STXBP5L: variants seen among roughly 807,000 people sequenced by gnomAD.
STXBP5L encodes syntaxin-binding protein 5-like.
STXBP5L carries 65 observed loss-of-function variants against 144.5 expected under a neutral mutation model. The observed-to-expected ratio is 0.45, with a 90% CI of 0.37 to 0.55. The LOEUF is 0.55. STXBP5L is among the 20% of genes least tolerant of loss of function. The probability of loss-of-function intolerance (pLI) is 0.00; values close to 1 mark genes in which losing one functional copy is unlikely to be tolerated. For missense variants in STXBP5L, 1,298 were observed against 1,405.5 expected, an observed-to-expected ratio of 0.92 and a Z score of 1.22; for synonymous variants, 505 against 469.6, an observed-to-expected ratio of 1.08 and a Z score of -0.97.
chr3:120,999,488 G>A (rs1271491274), intron 3 of STXBP5L, among the ~76,000 whole-genome samples: 2 of 152,088 alleles, frequency 1.3e-5, no homozygotes, highest in African/African-American at 2.4e-5. Context: ...TTGGTCTCTC[G>A]AAGACAGCGT....
chr3:120,912,282 T>G (rs1274207588), intron 2 of STXBP5L, among the ~76,000 whole-genome samples: 2 of 151,870 alleles, frequency 1.3e-5, no homozygotes, highest in Non-Finnish European at 2.9e-5. Context: ...TGTCATTTCC[T>G]TGCTAAAAAT....
At position 121,423,944 on chromosome 3, in the gene STXBP5L, A is replaced by G. The variant is rs534017952; in HGVS notation, c.*4847A>G. ...ATTCTCCTATGTGACTTGTCCATCA[A>G]TTATTCCAATTCAAAGGTCTAGGTT... On this transcript the variant is annotated 3_prime_UTR_variant, in exon 27 of 27. Coordinates refer to ENST00000471454, the MANE Select transcript of STXBP5L (RefSeq NM_001308330.2). The G allele has an allele frequency of 1.3e-5, 2 of 152,238 alleles. No homozygotes were observed. The highest frequency in any genetic ancestry group is 2.9e-5 in the Non-Finnish European group (2 of 68,032). 9.4% of individuals were successfully genotyped at this position (152,238 alleles called of 1,614,324 possible).
At chr3:120,982,243 G>T (rs899015912) in intron 3 of STXBP5L, among the ~76,000 whole-genome samples, 4 of 152,136 alleles carry the variant, frequency 2.6e-5, no homozygotes, top group African/African-American at 9.7e-5. Context: ...TTCAGGTGAT[G>T]GGCCGGTCTG....
At chr3:121,007,541 G>T (rs1323929371) in intron 3 of STXBP5L, among the ~76,000 whole-genome samples, 1 of 151,950 alleles carries the variant, frequency 6.6e-6, no homozygotes, top group African/African-American at 2.4e-5. Context: ...TTTTAAACTA[G>T]AAATTAAAAT....
Position 121,193,457 on chromosome 3 carries a change from C to T in STXBP5L, c.878-12466C>T, listed in dbSNP as rs550039836. Among the ~76,000 whole-genome samples, 12 of 151,286 alleles carry T rather than the reference C, an allele frequency of 7.9e-5. No homozygotes were observed. The South Asian group carries it at 2.3e-3, about 29-fold the overall frequency. On this transcript the variant is annotated intron_variant, in intron 9 of 26. Transcript: ENST00000471454. ...GAGCTAGAAATACCATTTGACCCAGCCATCCCATTACTGGGTATGTACCCA... is the reference window on the plus strand; with the variant it reads ...GAGCTAGAAATACCATTTGACCCAGTCATCCCATTACTGGGTATGTACCCA...
intron 2 of STXBP5L, among the ~76,000 whole-genome samples, chr3:120,951,980 A>G (rs886357347): frequency 2.6e-5 from 4 of 151,864 alleles, no homozygotes; most frequent in Admixed American, 1.3e-4. Context: ...CAGCCATAAA[A>G]AATGATGAGT....
At chr3:121,318,357 C>A in intron 19 of STXBP5L, 118 bp from the exon 20 acceptor site, 1 of 517,456 alleles carries the variant, frequency 1.9e-6, no homozygotes, top group Non-Finnish European at 3.3e-6. Context: ...GTAACTTGGA[C>A]ATGATAAAGT....
At chr3:120,939,317 C>A (rs957999253) in intron 2 of STXBP5L, among the ~76,000 whole-genome samples, 2 of 152,102 alleles carry the variant, frequency 1.3e-5, no homozygotes, top group African/African-American at 4.8e-5. Context: ...TTTTCAAGTT[C>A]TTTGCAACTG....
At chr3:121,249,001 T>C (rs1235558413) in intron 14 of STXBP5L, among the ~76,000 whole-genome samples, 1 of 152,202 alleles carries the variant, frequency 6.6e-6, no homozygotes, top group African/African-American at 2.4e-5. Flanking sequence ...CATTGGTCTA[T>C]GTGTCTGTTT....
intron 5 of STXBP5L, among the ~76,000 whole-genome samples, chr3:121,108,611 G>C (rs575064799): frequency 1.3e-5 from 2 of 152,218 alleles, no homozygotes; most frequent in East Asian, 3.9e-4. Flanking sequence ...GTTGGACTTG[G>C]TTTGCCAGTA....
intron 6 of STXBP5L, 76 bp downstream of exon 6, chr3:121,115,135 G>A: frequency 7.2e-7 from 1 of 1,385,958 alleles, no homozygotes; most frequent in East Asian, 2.6e-5. Context: ...TCAAATTACA[G>A]TTATTTGATA....
chr3:121,255,290 G>T (rs2050169110), intron 16 of STXBP5L, among the ~76,000 whole-genome samples, 178 bp downstream of exon 16: 1 of 151,766 alleles, frequency 6.6e-6, no homozygotes, highest in South Asian at 2.1e-4. Flanking sequence ...AAATGATTTG[G>T]CCTAAAAGGC....
intron 14 of STXBP5L, among the ~76,000 whole-genome samples, chr3:121,243,938 A>G (rs574993663): frequency 6.6e-6 from 1 of 152,306 alleles, no homozygotes; most frequent in African/African-American, 2.4e-5. Context: ...AAATAACTCC[A>G]GGAACAGCTT....
chr3:121,328,749 CA>C (rs747836182), intron 20 of STXBP5L, among the ~76,000 whole-genome samples: 18 of 144,234 alleles, frequency 1.2e-4, no homozygotes, highest in South Asian at 4.4e-4. Flanking sequence ...GACTCTGTCT[CA>C]AAAAAAAAAT....
chr3:121,074,959 G>A (rs995224669), intron 5 of STXBP5L, among the ~76,000 whole-genome samples: 1 of 152,086 alleles, frequency 6.6e-6, no homozygotes, highest in East Asian at 1.9e-4. Context: ...TTAGACAATG[G>A]CCCAATCGCT....
chr3:121,224,645 C>T (rs1270158413), intron 11 of STXBP5L, among the ~76,000 whole-genome samples: 2 of 151,974 alleles, frequency 1.3e-5, no homozygotes, highest in African/African-American at 2.4e-5. Context: ...GTTAAATAGT[C>T]GTGGTTTCAT....
chr3:121,414,968 C>T (rs1040491211), intron 24 of STXBP5L, among the ~76,000 whole-genome samples: 2 of 152,232 alleles, frequency 1.3e-5, no homozygotes, highest in African/African-American at 4.8e-5. Flanking sequence ...AGGAATTAGT[C>T]ATTTCTCGGT....
intron 3 of STXBP5L, among the ~76,000 whole-genome samples, chr3:121,030,106 G>A (rs970276192): frequency 6.6e-6 from 1 of 152,140 alleles, no homozygotes; most frequent in African/African-American, 2.4e-5. Flanking sequence ...CAACCATTGT[G>A]GAAGACAGTG....
chr3:121,096,589 C>A (rs1037199582), intron 5 of STXBP5L, among the ~76,000 whole-genome samples: 4 of 152,132 alleles, frequency 2.6e-5, no homozygotes, highest in African/African-American at 9.7e-5. Context: ...TTCCAACAGT[C>A]AGGCCCCTCT....
Sources: gnomAD v4.1 joint callset for allele counts (sites outside exome capture counted in the v4.1 genomes callset) on GRCh38, gnomAD v4.1.1 for gene constraint, MANE v1.5 for transcripts, NCBI Gene and HGNC (gene_info 2026-07-23, HGNC 2026-07-21) for gene names.